Variants in GARRE1 observed in about 807,000 individuals in gnomAD.
GARRE1 encodes the protein granule associated Rac and RHOG effector protein 1.
GARRE1 carries 49 observed loss-of-function variants against 103.2 expected under a neutral mutation model. The ratio of observed to expected loss-of-function variants is 0.47; its 90% CI spans 0.38 to 0.60. The LOEUF is 0.60. Ranked by LOEUF, GARRE1 falls within the 20% of genes least tolerant of loss-of-function variation. The pLI is 0.00. For missense variants in GARRE1, 1,199 were observed against 1,370.5 expected (o/e 0.87, Z 1.98); for synonymous variants, 505 against 532.8 (o/e 0.95, Z 0.72).
chr19:34,320,561 T>G (rs1337379814), intron 3 of GARRE1, among the ~76,000 whole-genome samples: 1 of 152,066 alleles, frequency 6.6e-6, no homozygotes, highest in Non-Finnish European at 1.5e-5. Flanking sequence ...AGCAGGAGTG[T>G]TTGGCAGACG....
At chr19:34,296,688 C>T in intron 1 of GARRE1, 1 of 820,214 alleles carries the variant, frequency 1.2e-6, no homozygotes, top group Non-Finnish European at 2.0e-6. Flanking sequence ...GATAGCATTT[C>T]TGTGCCATTT....
intron 3 of GARRE1, among the ~76,000 whole-genome samples, chr19:34,321,896 C>T (rs906112836): frequency 7.2e-5 from 11 of 152,222 alleles, no homozygotes; most frequent in East Asian, 1.9e-4. Flanking sequence ...GGATAGAGAG[C>T]GCAGTGGTGT....
chr19:34,339,879 AGACCCTGCTACCAT>A lies in GARRE1; in HGVS notation c.1376_1389del (p.Asp459ValfsTer8). 1 of 1,614,152 alleles carries A rather than the reference AGACCCTGCTACCAT, an allele frequency of 6.2e-7. No individual in the cohort carries two copies. The highest frequency in any genetic ancestry group is 8.5e-7 in the Non-Finnish European group (1 of 1,180,026). ...AATCTATGCCTAGGTGCCTGAAAGAAGACCCTGCTACCATGTCCCTGCTGCAGAGAAGCCTTGAT... is the reference window on the plus strand; with the variant it reads ...AATCTATGCCTAGGTGCCTGAAAGAAGTCCCTGCTGCAGAGAAGCCTTGAT... On this transcript the variant is annotated frameshift_variant, in exon 9 of 14. Transcript: ENST00000299505. LOFTEE classifies it high-confidence loss of function.
chr19:34,337,678 T>C (rs139811868), intron 8 of GARRE1, among the ~76,000 whole-genome samples: 1 of 152,334 alleles, frequency 6.6e-6, no homozygotes, highest in African/African-American at 2.4e-5. Context: ...TGGTGATTTG[T>C]CAACAGAATG....
chr19:34,282,173 T>C (rs8113689), intron 1 of GARRE1, among the ~76,000 whole-genome samples: 14,728 of 151,846 alleles, frequency 0.097, 1,134 homozygotes, highest in African/African-American at 0.2. Flanking sequence ...CCCCCCGAGA[T>C]GGAGTCTTGC....
At position 34,262,287 on chromosome 19, in the gene GARRE1, CTTTTTTTTT is replaced by C. The variant is rs1018456778; in HGVS notation, c.-796+7693_-796+7701del. Reference sequence around the variant, plus strand: ...AGTGAGCCACCATGCCCAGCTGCTGCTTTTTTTTTTTTTTTTTTTTTTTTTTTTGAGGCG... The same window carrying C: ...AGTGAGCCACCATGCCCAGCTGCTGCTTTTTTTTTTTTTTTTTTTGAGGCG... On this transcript the variant is annotated intron_variant, in intron 1 of 13. Coordinates refer to ENST00000299505, the MANE Select transcript of GARRE1 (RefSeq NM_014686.5). 1.8e-3 allele frequency among the ~76,000 whole-genome samples: 66 copies of C among 35,762 alleles called. 1 individual carries two copies. Among genetic ancestry groups the C allele is most frequent in the South Asian group, 4.3e-3 (3 of 704 alleles). The allele number at this position is 35,762 out of a possible 152,430, so 23.5% of individuals were successfully genotyped here.
intron 3 of GARRE1, among the ~76,000 whole-genome samples, chr19:34,326,128 A>G (rs1330178723): frequency 6.6e-6 from 1 of 152,242 alleles, no homozygotes; most frequent in African/African-American, 2.4e-5. Context: ...TGAGCTAAAT[A>G]TTTGACTGAA....
chr19:34,314,648 C>T (rs991982330), intron 2 of GARRE1, among the ~76,000 whole-genome samples: 1 of 152,150 alleles, frequency 6.6e-6, no homozygotes, highest in Admixed American at 6.5e-5. Context: ...GTTCTGCCAC[C>T]CTTGGGCCTG....
chr19:34,326,819 A>G (rs983145057), intron 3 of GARRE1, among the ~76,000 whole-genome samples: 6 of 152,100 alleles, frequency 3.9e-5, no homozygotes, highest in African/African-American at 1.4e-4. Flanking sequence ...ATATATAACA[A>G]ATAACAAGTA....
intron 8 of GARRE1, among the ~76,000 whole-genome samples, chr19:34,335,995 T>C (rs1408976053): frequency 6.7e-6 from 1 of 149,310 alleles, no homozygotes; most frequent in Non-Finnish European, 1.5e-5. Flanking sequence ...ATTATTATTA[T>C]TTTTTTTTTG....
chr19:34,317,517 CCT>C (rs2074065578), intron 2 of GARRE1, among the ~76,000 whole-genome samples: 2 of 152,270 alleles, frequency 1.3e-5, no homozygotes, highest in Non-Finnish European at 2.9e-5. Context: ...GCTCACTCCC[CCT>C]CCCTGTGTCT....
intron 3 of GARRE1, among the ~76,000 whole-genome samples, chr19:34,321,602 C>T (rs1203501608): frequency 2.0e-5 from 3 of 152,006 alleles, no homozygotes; most frequent in Admixed American, 6.5e-5. Context: ...TACAGGCGCC[C>T]GCCACCATGC....
intron 2 of GARRE1, among the ~76,000 whole-genome samples, chr19:34,308,751 G>T (rs2074023296): frequency 1.3e-5 from 2 of 152,190 alleles, no homozygotes. Context: ...AAGGAGAAAA[G>T]TAAGGAAATA....
intron 8 of GARRE1, among the ~76,000 whole-genome samples, chr19:34,338,789 A>G (rs566929787): frequency 4.6e-5 from 7 of 152,270 alleles, no homozygotes; most frequent in Admixed American, 2.6e-4. Flanking sequence ...TTTTATTTCA[A>G]TCACGATGAT....
In GARRE1 at chr19:34,342,025, C is replaced by T. The variant is rs1179329606; in HGVS notation, c.2091C>T (p.Pro697=). The T allele has an allele frequency of 1.2e-6, 2 of 1,614,066 alleles. No individual in the cohort carries two copies. The highest frequency in any genetic ancestry group is 2.2e-5 in the East Asian group (1 of 44,874). Residue 697 remains proline (P), a synonymous_variant, in exon 10 of 14, where the codon CCC becomes CCT. Coordinates refer to ENST00000299505, the MANE Select transcript of GARRE1 (RefSeq NM_014686.5). The stretch of plus-strand genomic sequence containing the variant: ...CACAGCAGCCGTCACTGCCTGTGCC[C>T]CCTCCACCACGGGCACCCCAGGCTG... The part of the protein sequence containing the change: ...MQPQQPSLPV[P]PPPRAPQAGA...
intron 1 of GARRE1, among the ~76,000 whole-genome samples, chr19:34,279,322 A>T (rs2073836813): frequency 6.6e-6 from 1 of 151,920 alleles, no homozygotes; most frequent in Non-Finnish European, 1.5e-5. Context: ...TGTTTTTGAG[A>T]CAGTGTCTCG....
Position 34,352,859 on chromosome 19 carries a change from G to GC in GARRE1, c.3122dup (p.Pro1042ThrfsTer20). On this transcript the variant is annotated frameshift_variant, in exon 14 of 14. Coordinates refer to ENST00000299505, the MANE Select transcript of GARRE1 (RefSeq NM_014686.5). LOFTEE classifies it high-confidence loss of function. ...TCTCCTATGTGCAGACCCCACCCCA[G>GC]CCCCCACCCCCACCAGCACACAAGG... 8.7e-7 allele frequency: 1 copy of GC among 1,153,302 alleles called. No individual in the cohort carries two copies. Among genetic ancestry groups the GC allele is most frequent in the Non-Finnish European group, 1.3e-6 (1 of 789,918 alleles). 71.4% of individuals were successfully genotyped at this position (1,153,302 alleles called of 1,614,324 possible).
At position 34,313,537 on chromosome 19, in the gene GARRE1, C is replaced by T. The variant is rs367861091; in HGVS notation, c.496-6370C>T. On this transcript the variant is annotated intron_variant, in intron 2 of 13. Transcript: ENST00000299505. ...ATGGGAGGCATCTAGTGCGACAGAG[C>T]GGCCTCACCCAAGTGATGTGTCATG... Among the ~76,000 whole-genome samples, 13 of 152,298 alleles carry T rather than the reference C, an allele frequency of 8.5e-5. No individual in the cohort carries two copies. In the East Asian group the frequency reaches 1.9e-3, roughly 23 times the overall value.
chr19:34,255,923 C>G (rs1358361773), intron 1 of GARRE1, among the ~76,000 whole-genome samples: 1 of 151,816 alleles, frequency 6.6e-6, no homozygotes, highest in African/African-American at 2.4e-5. Flanking sequence ...TTAACTGCAA[C>G]CTTAGCCTCC....
Sources: gnomAD v4.1 joint callset for allele counts (sites outside exome capture counted in the v4.1 genomes callset) on GRCh38, gnomAD v4.1.1 for gene constraint, MANE v1.5 for transcripts, NCBI Gene and HGNC (gene_info 2026-07-23, HGNC 2026-07-21) for gene names.